PTPRD: variants seen among roughly 807,000 people sequenced by gnomAD.
The protein encoded by PTPRD is protein tyrosine phosphatase receptor type D.
A neutral mutation model predicts 214.5 loss-of-function variants in PTPRD; 34 were observed. The ratio of observed to expected loss-of-function variants is 0.16; its 90% CI spans 0.12 to 0.21. The LOEUF is 0.21. Among genes scored for constraint, PTPRD ranks in the 10% least tolerant of loss-of-function variants. PTPRD has a pLI of 1.00. For missense variants in PTPRD, 2,545 were observed against 2,398.7 expected (o/e 1.06, Z -1.27); for synonymous variants, 1,128 against 845.7 (o/e 1.33, Z -5.79).
intron 2 of PTPRD, among the ~76,000 whole-genome samples, chr9:10,388,284 A>G (rs1204947488): frequency 1.3e-5 from 2 of 151,842 alleles, no homozygotes; most frequent in Admixed American, 6.6e-5. Flanking sequence ...CTCAACTATC[A>G]TTATTCTCTT....
intron 2 of PTPRD, among the ~76,000 whole-genome samples, chr9:10,605,804 A>G (rs2079154851): frequency 6.6e-6 from 1 of 151,826 alleles, no homozygotes; most frequent in Non-Finnish European, 1.5e-5. Flanking sequence ...TTGCTAGCAC[A>G]TGGCTGTTTT....
chr9:9,945,616 G>C (rs1189201385), intron 4 of PTPRD, among the ~76,000 whole-genome samples: 16 of 152,138 alleles, frequency 1.1e-4, no homozygotes, highest in Non-Finnish European at 1.5e-5. Context: ...CAGAGCTCAT[G>C]GGTGACCATG....
intron 3 of PTPRD, among the ~76,000 whole-genome samples, chr9:10,050,306 TCCTAG>T (rs2097505612): frequency 6.6e-6 from 1 of 151,780 alleles, no homozygotes; most frequent in African/African-American, 2.4e-5. Context: ...CACCCTGTAA[TCCTAG>T]CACTTTGGGA....
At chr9:8,477,959 T>C (rs2096799111) in intron 30 of PTPRD, among the ~76,000 whole-genome samples, 1 of 152,244 alleles carries the variant, frequency 6.6e-6, no homozygotes, top group African/African-American at 2.4e-5. Flanking sequence ...CTGTATGTTG[T>C]GTGTTCCTCA....
intron 2 of PTPRD, among the ~76,000 whole-genome samples, chr9:10,462,797 T>A (rs1450504786): frequency 6.6e-6 from 1 of 151,832 alleles, no homozygotes; most frequent in Non-Finnish European, 1.5e-5. Context: ...CAGGACATAT[T>A]TTCTTGCTGT....
intron 11 of PTPRD, among the ~76,000 whole-genome samples, chr9:8,969,150 C>A (rs971249638): frequency 9.2e-5 from 14 of 152,038 alleles, no homozygotes; most frequent in African/African-American, 3.4e-4. Flanking sequence ...AAATTCATAT[C>A]GTTAGAGAAA....
chr9:10,409,578 T>C (rs2098413260), intron 2 of PTPRD, among the ~76,000 whole-genome samples: 1 of 151,816 alleles, frequency 6.6e-6, no homozygotes, highest in Non-Finnish European at 1.5e-5. Context: ...TTATATGGAA[T>C]ACCAGTTATA....
intron 11 of PTPRD, among the ~76,000 whole-genome samples, chr9:8,783,383 A>C (rs767579104): frequency 6.6e-6 from 1 of 152,244 alleles, no homozygotes; most frequent in Non-Finnish European, 1.5e-5. Flanking sequence ...ACTCAAATTC[A>C]ACTGAAAAGT....
intron 5 of PTPRD, among the ~76,000 whole-genome samples, chr9:9,864,190 C>T (rs925211630): frequency 6.6e-6 from 1 of 152,134 alleles, no homozygotes; most frequent in African/African-American, 2.4e-5. Flanking sequence ...CCCGCAGTCC[C>T]AGCTACTTGG....
At chr9:9,459,138 C>T (rs1395771796) in intron 8 of PTPRD, among the ~76,000 whole-genome samples, 1 of 151,946 alleles carries the variant, frequency 6.6e-6, no homozygotes, top group Non-Finnish European at 1.5e-5. Context: ...GGAATGGCCC[C>T]ACAGGAGATA....
chr9:8,592,392 T>C (rs2094173829), intron 14 of PTPRD, among the ~76,000 whole-genome samples: 2 of 152,184 alleles, frequency 1.3e-5, no homozygotes, highest in African/African-American at 2.4e-5. Context: ...ATAGTGCATA[T>C]GGCCTATAGG....
intron 2 of PTPRD, among the ~76,000 whole-genome samples, chr9:10,556,269 T>A (rs936466598): frequency 2.6e-5 from 4 of 151,866 alleles, no homozygotes; most frequent in Admixed American, 6.6e-5. Context: ...AAATGTTAGG[T>A]AGAAATGTAA....
chr9:10,136,559 T>TAGAAATCATAACCAAGAATATC (rs369957695), intron 3 of PTPRD, among the ~76,000 whole-genome samples: 3 of 139,874 alleles, frequency 2.1e-5, no homozygotes, highest in South Asian at 2.6e-4. Context: ...ATGATAAAAA[T>TAGAAATCATAACCAAGAATATC]TAAAGATTTA....
chr9:8,346,721 T>G (rs1017843818), intron 39 of PTPRD, among the ~76,000 whole-genome samples: 2 of 152,126 alleles, frequency 1.3e-5, no homozygotes, highest in African/African-American at 2.4e-5. Flanking sequence ...AGAGTAGTGA[T>G]CTGGGCAATT....
At chr9:9,533,495 A>G (rs1293548506) in intron 8 of PTPRD, among the ~76,000 whole-genome samples, 1 of 151,580 alleles carries the variant, frequency 6.6e-6, no homozygotes, top group African/African-American at 2.4e-5. Context: ...TCTTTTGGGT[A>G]TTTTCTTTTC....
At chr9:8,566,031 G>C (rs2088921301) in intron 14 of PTPRD, among the ~76,000 whole-genome samples, 4 of 151,436 alleles carry the variant, frequency 2.6e-5, no homozygotes, top group Admixed American at 2.6e-4. Context: ...AGCTGGTATA[G>C]AACAAAATCA....
chr9:9,535,770 G>A (rs1289957308), intron 8 of PTPRD, among the ~76,000 whole-genome samples: 2 of 152,048 alleles, frequency 1.3e-5, no homozygotes, highest in African/African-American at 4.8e-5. Flanking sequence ...TCCTTTCTAT[G>A]TCATTAAGAA....
intron 2 of PTPRD, among the ~76,000 whole-genome samples, chr9:10,530,527 G>T (rs1023969419): frequency 1.3e-5 from 2 of 152,012 alleles, no homozygotes; most frequent in Non-Finnish European, 2.9e-5. Flanking sequence ...GTCAGAAAAA[G>T]AAGTCAATAA....
intron 11 of PTPRD, among the ~76,000 whole-genome samples, chr9:8,828,729 T>G (rs1408541864): frequency 6.6e-6 from 1 of 152,172 alleles, no homozygotes; most frequent in Non-Finnish European, 1.5e-5. Flanking sequence ...AAAAAACATA[T>G]ATAATAAATT....
Sources: allele counts gnomAD v4.1 joint callset (sites outside exome capture counted in the v4.1 genomes callset), GRCh38; gene constraint gnomAD v4.1.1; transcripts MANE v1.5; gene names NCBI Gene and HGNC (gene_info 2026-07-23, HGNC 2026-07-21).